Variants in SMOC2 observed in about 807,000 individuals in gnomAD.
SMOC2 encodes the protein SPARC-related modular calcium-binding protein 2.
In SMOC2, 39 loss-of-function variants were observed where a neutral mutation model predicts 61.4. The ratio of observed to expected loss-of-function variants is 0.64; its 90% CI spans 0.49 to 0.83. SMOC2 has a LOEUF of 0.83. Among genes scored for constraint, SMOC2 ranks in the 40% least tolerant of loss-of-function variants. The probability of loss-of-function intolerance (pLI) is 0.00; values close to 1 mark genes in which losing one functional copy is unlikely to be tolerated. For synonymous variants in SMOC2, 247 were observed against 239.9 expected (o/e 1.03, Z -0.27); for missense variants, 556 against 592.9 (o/e 0.94, Z 0.65).
In SMOC2 at chr6:168,598,987, T is replaced by G. The variant is rs1785405755; in HGVS notation, c.807T>G (p.Ile269Met). ...WCVLVDTGRP[I>M]PGTSTRYEQP... ...TCCTGGTGGACACGGGGCGCCCCAT[T>G]CCCGGCACATCCACAAGGTAAATAG... is the stretch of plus-strand genomic sequence containing the variant. The change falls in exon 8 of 13, where the codon ATT becomes ATG. Residue 269 changes from isoleucine (I) to methionine (M), a missense_variant. Ile to Met is a conservative substitution (Grantham distance 10). Transcript: ENST00000356284. 6.2e-7 allele frequency: 1 copy of G among 1,605,460 alleles called. No individual in the cohort carries two copies. Among genetic ancestry groups the G allele is most frequent in the African/African-American group, 1.3e-5 (1 of 74,386 alleles).
chr6:168,547,401 G>A (rs1784029881), intron 6 of SMOC2, among the ~76,000 whole-genome samples: 1 of 151,716 alleles, frequency 6.6e-6, no homozygotes, highest in Non-Finnish European at 1.5e-5. Flanking sequence ...GCCGAAAGGT[G>A]GTCACGAAGG....
intron 1 of SMOC2, among the ~76,000 whole-genome samples, chr6:168,468,823 C>G (rs971145675): frequency 2.0e-5 from 3 of 152,194 alleles, no homozygotes; most frequent in Non-Finnish European, 4.4e-5. Context: ...CCTGAGCCAC[C>G]ACACCCGGAG....
chr6:168,660,110 GCAGCCTCTT>G (rs1279796759), intron 11 of SMOC2, among the ~76,000 whole-genome samples: 2 of 152,012 alleles, frequency 1.3e-5, no homozygotes, highest in African/African-American at 4.8e-5. Flanking sequence ...CTCTGAGAGG[GCAGCCTCTT>G]CAGCCTCTTC....
At position 168,464,047 on chromosome 6, in the gene SMOC2, C is replaced by G. The variant is rs1781770339; in HGVS notation, c.84+22593C>G. On this transcript the variant is annotated intron_variant, in intron 1 of 12. Transcript: ENST00000356284. ...CTCTACTAAAATTACAAAAATTCGC[C>G]AAGTGTGGTGGTGCACGCCTATAAT... is the stretch of plus-strand genomic sequence containing the variant. 2.6e-5 allele frequency among the ~76,000 whole-genome samples: 4 copies of G among 151,860 alleles called. No homozygotes were observed. The South Asian group carries it at 8.3e-4, about 32-fold the overall frequency.
At chr6:168,657,090 T>C (rs1191394445) in intron 11 of SMOC2, among the ~76,000 whole-genome samples, 2 of 152,250 alleles carry the variant, frequency 1.3e-5, no homozygotes, top group Admixed American at 1.3e-4. Flanking sequence ...CTGCAATGCA[T>C]GAAGGCAGCA....
At chr6:168,612,761 GC>G (rs747699587) in intron 9 of SMOC2, among the ~76,000 whole-genome samples, 3 of 151,952 alleles carry the variant, frequency 2.0e-5, no homozygotes, top group Non-Finnish European at 4.4e-5. Context: ...AATGCAAGAG[GC>G]CATCGGCACA....
chr6:168,625,837 G>A (rs1786395055), intron 9 of SMOC2, among the ~76,000 whole-genome samples: 2 of 152,316 alleles, frequency 1.3e-5, no homozygotes, highest in Admixed American at 1.3e-4. Flanking sequence ...GCCGGCCTGT[G>A]GGCCCAGATT....
At chr6:168,462,566 A>G (rs73270965) in intron 1 of SMOC2, among the ~76,000 whole-genome samples, 6,427 of 152,088 alleles carry the variant, frequency 0.042, 399 homozygotes, top group African/African-American at 0.14. Context: ...TGGTGCTGGA[A>G]TTCCCAGATG....
intron 8 of SMOC2, among the ~76,000 whole-genome samples, chr6:168,600,185 C>T (rs1459517994): frequency 2.0e-5 from 3 of 152,052 alleles, no homozygotes; most frequent in Non-Finnish European, 4.4e-5. Context: ...GCGGGTGGAT[C>T]ACCTGAGGTC....
At chr6:168,556,817 G>A (rs1480132310) in intron 7 of SMOC2, among the ~76,000 whole-genome samples, 1 of 135,728 alleles carries the variant, frequency 7.4e-6, no homozygotes, top group Non-Finnish European at 1.5e-5. Context: ...TGTTCTGTTA[G>A]GTTTTTTTTT....
chr6:168,656,406 G>A (rs928637720), intron 11 of SMOC2, among the ~76,000 whole-genome samples: 2 of 151,152 alleles, frequency 1.3e-5, no homozygotes, highest in Non-Finnish European at 2.9e-5. Context: ...AGCTACTCCA[G>A]AGGCTGAGGC....
chr6:168,533,855 T>C (rs974647801), intron 4 of SMOC2, among the ~76,000 whole-genome samples: 5 of 152,132 alleles, frequency 3.3e-5, no homozygotes, highest in African/African-American at 1.2e-4. Context: ...GCACCGAAAA[T>C]TGAGGCCTCT....
intron 9 of SMOC2, among the ~76,000 whole-genome samples, chr6:168,609,332 G>A (rs558553056): frequency 2.8e-4 from 43 of 152,304 alleles, no homozygotes; most frequent in African/African-American, 1.0e-3. Flanking sequence ...AGGCAGGTTT[G>A]AGGAATCTGT....
chr6:168,463,544 G>A (rs1180538148), intron 1 of SMOC2, among the ~76,000 whole-genome samples: 5 of 152,190 alleles, frequency 3.3e-5, no homozygotes, highest in African/African-American at 1.2e-4. Flanking sequence ...ATGTGAAGAT[G>A]TGGGGAGTGA....
intron 11 of SMOC2, among the ~76,000 whole-genome samples, chr6:168,660,175 C>T (rs1787472994): frequency 6.6e-6 from 1 of 152,136 alleles, no homozygotes; most frequent in Admixed American, 6.5e-5. Context: ...ATGGTTAATA[C>T]ACCCACTCTC....
chr6:168,450,913 C>T (rs935970017), intron 1 of SMOC2, among the ~76,000 whole-genome samples: 4 of 152,204 alleles, frequency 2.6e-5, no homozygotes, highest in African/African-American at 9.6e-5. Context: ...TTGGCACCCC[C>T]ACATGATACT....
At chr6:168,624,971 A>ACAC (rs1223016924) in intron 9 of SMOC2, among the ~76,000 whole-genome samples, 17 of 152,064 alleles carry the variant, frequency 1.1e-4, no homozygotes, top group East Asian at 1.9e-4. Context: ...AGACACATGC[A>ACAC]CACCACCACC....
rs137891811 is a variant in SMOC2 at position 168,531,092 on chromosome 6, G to A, written c.463+3365G>A. Among the ~76,000 whole-genome samples the A allele has an allele frequency of 6.6e-5, 10 of 152,266 alleles. No homozygotes were observed. In the East Asian group the frequency reaches 1.9e-3, roughly 29 times the overall value. On this transcript the variant is annotated intron_variant, in intron 4 of 12. Transcript: ENST00000356284. ...CAAATCCTCCCACAGCTGAGAGTCA[G>A]AAAACTCAGCTCCAGCTCTGAGGGA...
intron 1 of SMOC2, among the ~76,000 whole-genome samples, chr6:168,482,385 G>A (rs1213564378): frequency 1.3e-5 from 1 of 77,056 alleles, no homozygotes; most frequent in African/African-American, 6.5e-5. Context: ...AAAACTCTAA[G>A]TAAATTTATA....
Sources: allele counts gnomAD v4.1 joint callset (sites outside exome capture counted in the v4.1 genomes callset), GRCh38; gene constraint gnomAD v4.1.1; transcripts MANE v1.5; gene names NCBI Gene and HGNC (gene_info 2026-07-23, HGNC 2026-07-21).